The following USP9Y variants were observed in gnomAD, a reference collection of about 807,000 sequenced individuals.
USP9Y encodes ubiquitin carboxyl-terminal hydrolase 9Y.
In USP9Y, 41 loss-of-function variants were observed where a neutral mutation model predicts 53.1. The ratio of observed to expected loss-of-function variants is 0.77; its 90% CI spans 0.60 to 1.00. The LOEUF (loss-of-function observed/expected upper bound fraction) is 1.00. USP9Y is among the 50% of genes least tolerant of loss of function. The pLI, the probability that USP9Y is intolerant of heterozygous loss-of-function variation, is 0.00. For missense variants in USP9Y, 567 were observed against 535.8 expected, an observed-to-expected ratio of 1.06 and a Z score of -0.58; for synonymous variants, 220 against 173.7, an observed-to-expected ratio of 1.27 and a Z score of -2.09.
intron 1 of USP9Y, among the ~76,000 whole-genome samples, chrY:12,704,176 C>T: frequency 1.5e-4 from 5 of 33,375 alleles, no homozygotes; most frequent in African/African-American, 5.8e-4. Context: ...CCTTTTTTTA[C>T]GTTCTGTTTT....
At chrY:12,814,750 T>C in intron 31 of USP9Y, among the ~76,000 whole-genome samples, 2 of 32,958 alleles carry the variant, frequency 6.1e-5, no homozygotes, top group Non-Finnish European at 1.5e-4. Context: ...TACAATATTG[T>C]TAATTTTGTT....
rs1374472344 is a variant in USP9Y at position 12,773,935 on chromosome Y, T to C, written c.2331+10T>C. 2.7e-6 allele frequency: 1 copy of C among 367,687 alleles called. No homozygotes were observed. 91.7% of individuals were successfully genotyped at this position (367,687 alleles called of 400,897 possible). A position where few individuals can be genotyped will look rare whatever the true frequency, so the allele number is the denominator to read the frequency against. On this transcript the variant is annotated intron_variant, in intron 17 of 45. Transcript: ENST00000338981. ...AGACTACCTTTGGAGGGTAAGTGAG[T>C]AGTAAGAACTTTCATATGCCAACAT... is the stretch of plus-strand genomic sequence containing the variant.
At chrY:12,790,359 G>A in intron 24 of USP9Y, 48 bp from the exon 25 acceptor site, 1 of 385,151 alleles carries the variant, frequency 2.6e-6, no homozygotes, top group Admixed American at 7.5e-5. Flanking sequence ...TAGGGATTAT[G>A]GTATATACAG....
rs1310763971 is a variant in USP9Y, at chrY:12,818,555, T to G, written c.4966T>G (p.Leu1656Val). The G allele has an allele frequency of 5.0e-6, 2 of 398,386 alleles. No homozygotes were observed. The highest frequency in any genetic ancestry group is 7.1e-6 in the Non-Finnish European group (2 of 283,282). ...LRHLQVIFGHLAASQLQYYVP... is the reference protein window; with the variant it reads ...LRHLQVIFGHVAASQLQYYVP... ...ACACCTTCAGGTCATCTTTGGTCATTTAGCTGCTTCCCAACTACAATACTA... is the reference window on the plus strand; with the variant it reads ...ACACCTTCAGGTCATCTTTGGTCATGTAGCTGCTTCCCAACTACAATACTA... The change falls in exon 33 of 46, where the codon TTA (leucine) becomes GTA (valine). Residue 1656 changes from leucine to valine, a missense_variant. Physicochemically the swap from Leu to Val is conservative, Grantham distance 32. Coordinates refer to ENST00000338981, the MANE Select transcript of USP9Y (RefSeq NM_004654.4).
rs2053464089 is a variant in USP9Y, at chrY:12,751,254, C to T, written c.1423-5938C>T. Among the ~76,000 whole-genome samples, 3 of 32,732 alleles carry T rather than the reference C, an allele frequency of 9.2e-5. No individual in the cohort carries two copies. In the South Asian group the frequency reaches 2.0e-3, roughly 22 times the overall value. 87.8% of individuals were successfully genotyped at this position (32,732 alleles called of 37,273 possible). A position where few individuals can be genotyped will look rare whatever the true frequency, so the allele number is the denominator to read the frequency against. On this transcript the variant is annotated intron_variant, in intron 12 of 45. Coordinates refer to ENST00000338981, the MANE Select transcript of USP9Y (RefSeq NM_004654.4). ...CTCAATCTCCTGACCTCGTGATCCG[C>T]CAGCCTCAGCCTCCCAAAGTGCTGG... is the stretch of plus-strand genomic sequence containing the variant.
chrY:12,721,688 C>G, intron 4 of USP9Y, among the ~76,000 whole-genome samples: 1 of 33,228 alleles, frequency 3.0e-5, no homozygotes, highest in African/African-American at 1.2e-4. Context: ...TTGTTGAGAT[C>G]TAATTTCTTT....
intron 27 of USP9Y, chrY:12,802,405 T>C (rs2148288125): frequency 8.6e-5 from 3 of 34,813 alleles, no homozygotes; most frequent in African/African-American, 3.4e-4. Context: ...CTTTTAATGC[T>C]TTCCCTTTTT....
intron 12 of USP9Y, among the ~76,000 whole-genome samples, chrY:12,744,264 CTCTTA>C (rs1237109380): frequency 3.6e-4 from 12 of 33,763 alleles, no homozygotes; most frequent in Non-Finnish European, 7.4e-4. Flanking sequence ...TGTGCAACTC[CTCTTA>C]TCTTAAGCAG....
At chrY:12,732,765 G>T (rs1603196676) in intron 7 of USP9Y, among the ~76,000 whole-genome samples, 1 of 32,741 alleles carries the variant, frequency 3.1e-5, no homozygotes, top group East Asian at 8.1e-4. Context: ...GGGATGATAG[G>T]ATTGAACCAC....
chrY:12,716,371 T>G, intron 3 of USP9Y, among the ~76,000 whole-genome samples: 1 of 33,763 alleles, frequency 3.0e-5, no homozygotes, highest in East Asian at 7.7e-4. Flanking sequence ...TTCTTTTAGT[T>G]CTTTAAGGTG....
Position 12,739,607 on chromosome Y carries a change from A to G in USP9Y, c.1400A>G (p.Asp467Gly). 2 of 394,244 alleles carry G rather than the reference A, an allele frequency of 5.1e-6. No homozygotes were observed. Among genetic ancestry groups the G allele is most frequent in the African/African-American group, 6.1e-5 (1 of 16,299 alleles). ...LAWDFSPGQLDHLFDCFKASW... is the reference protein window; with the variant it reads ...LAWDFSPGQLGHLFDCFKASW... ...TGGGATTTTTCTCCTGGACAACTTG[A>G]TCATCTTTTTGATTGCTTTAAGGTA... Residue 467 changes from aspartate (D) to glycine (G), a missense_variant, in exon 12 of 46, where the codon GAT becomes GGT. Physicochemically the swap from Asp to Gly is moderately conservative, Grantham distance 94. Coordinates refer to ENST00000338981, the MANE Select transcript of USP9Y (RefSeq NM_004654.4).
chrY:12,839,185 G>A, intron 35 of USP9Y, among the ~76,000 whole-genome samples: 1 of 33,670 alleles, frequency 3.0e-5, no homozygotes, highest in Non-Finnish European at 7.4e-5. Flanking sequence ...TATTAAAATT[G>A]CTTATCATAT....
chrY:12,725,105 T>G lies in USP9Y; in HGVS notation c.326-8T>G, dbSNP rs748004128. 1 of 389,214 alleles carries G rather than the reference T, an allele frequency of 2.6e-6. No homozygotes were observed. The highest frequency in any genetic ancestry group is 3.6e-6 in the Non-Finnish European group (1 of 275,064). On this transcript the variant is annotated splice_region_variant and splice_polypyrimidine_tract_variant and intron_variant, in intron 5 of 45. Transcript: ENST00000338981. ...TTTTAAACATTCTTTGTTTGGCTCG[T>G]TTTTTAGGCCTTGATGTTAAAAGTG... is the stretch of plus-strand genomic sequence containing the variant.
chrY:12,762,754 G>A (rs2053476627), intron 15 of USP9Y, among the ~76,000 whole-genome samples: 1 of 33,318 alleles, frequency 3.0e-5, no homozygotes, highest in East Asian at 7.8e-4. Context: ...CATAGTATTT[G>A]CCAGAATGTT....
intron 12 of USP9Y, among the ~76,000 whole-genome samples, chrY:12,750,275 ACT>A (rs2053463300): frequency 3.2e-5 from 1 of 30,880 alleles, no homozygotes; most frequent in East Asian, 8.8e-4. Context: ...GCATACTGAA[ACT>A]CTGTTACATT....
At chrY:12,818,705 T>C in intron 33 of USP9Y, 95 bp downstream of exon 33, 1 of 210,198 alleles carries the variant, frequency 4.8e-6, no homozygotes, top group Non-Finnish European at 8.1e-6. Flanking sequence ...AGTTTTATAT[T>C]TAATATTTAA....
rs371595288 is a variant in USP9Y, at chrY:12,707,161, C to T, written c.-120-1473C>T. On this transcript the variant is annotated intron_variant, in intron 1 of 45. Coordinates refer to ENST00000338981, the MANE Select transcript of USP9Y (RefSeq NM_004654.4). Reference sequence around the variant, plus strand: ...GAGATCGAGTTTCGCTCTTGTTGCCCAGGTGGGAGTGCAATGGCGCAATCT... The same window carrying T: ...GAGATCGAGTTTCGCTCTTGTTGCCTAGGTGGGAGTGCAATGGCGCAATCT... Among the ~76,000 whole-genome samples, 182 of 33,249 alleles carry T rather than the reference C, an allele frequency of 5.5e-3. No homozygotes were observed. In the South Asian group the frequency reaches 0.12, roughly 21 times the overall value. 89.2% of individuals were successfully genotyped at this position (33,249 alleles called of 37,273 possible). A position where few individuals can be genotyped will look rare whatever the true frequency, so the allele number is the denominator to read the frequency against.
At chrY:12,789,973 A>T in intron 24 of USP9Y, among the ~76,000 whole-genome samples, 1 of 33,409 alleles carries the variant, frequency 3.0e-5, no homozygotes, top group Non-Finnish European at 7.4e-5. Flanking sequence ...CTCAAATTGG[A>T]GTTTCCAGGG....
Position 12,860,301 on chromosome Y carries a change from A to C in USP9Y, c.*885A>C. ...TTAAAATATTAAAACCAATACACAA[A>C]ATTTTCCTATGTCAGAATGTGGTGG... On this transcript the variant is annotated 3_prime_UTR_variant, in exon 46 of 46. Transcript: ENST00000338981. The C allele has an allele frequency of 3.0e-5, 1 of 33,056 alleles. No individual in the cohort carries two copies. The highest frequency in any genetic ancestry group is 1.2e-4 in the African/African-American group (1 of 8,510). 8.2% of individuals were successfully genotyped at this position (33,056 alleles called of 400,897 possible). A position where few individuals can be genotyped will look rare whatever the true frequency, so the allele number is the denominator to read the frequency against.
Sources: allele counts gnomAD v4.1 joint callset (sites outside exome capture counted in the v4.1 genomes callset), GRCh38; gene constraint gnomAD v4.1.1; transcripts MANE v1.5; gene names NCBI Gene and HGNC (gene_info 2026-07-23, HGNC 2026-07-21).